The following WDPCP variants were observed in gnomAD, a reference collection of about 807,000 sequenced individuals.
The protein encoded by WDPCP is WD repeat-containing and planar cell polarity effector protein fritz homolog.
In WDPCP, 71 loss-of-function variants were observed where a neutral mutation model predicts 93.1. The ratio of observed to expected loss-of-function variants is 0.76; its 90% CI spans 0.63 to 0.93. WDPCP has a LOEUF of 0.93. Ranked by LOEUF, WDPCP falls within the 40% of genes least tolerant of loss-of-function variation. The pLI is 0.00. For synonymous variants in WDPCP, 315 were observed against 315.0 expected, an observed-to-expected ratio of 1.00 and a Z score of 0.00; for missense variants, 844 against 887.4, an observed-to-expected ratio of 0.95 and a Z score of 0.62.
intron 1 of WDPCP, among the ~76,000 whole-genome samples, chr2:63,535,251 A>T (rs372259551): frequency 6.6e-6 from 1 of 152,340 alleles, no homozygotes; most frequent in Non-Finnish European, 1.5e-5. Context: ...GCTCATGGAT[A>T]GGAAGAATCA....
intron 9 of WDPCP, among the ~76,000 whole-genome samples, chr2:63,429,972 G>A (rs891484829): frequency 2.8e-4 from 34 of 121,702 alleles, no homozygotes; most frequent in Non-Finnish European, 4.1e-4. Flanking sequence ...TAAAGAAAAT[G>A]TTATACACAC....
At chr2:63,534,586 A>G (rs954742578) in intron 1 of WDPCP, among the ~76,000 whole-genome samples, 6 of 152,220 alleles carry the variant, frequency 3.9e-5, no homozygotes, top group Non-Finnish European at 4.4e-5. Context: ...AATCCATCAT[A>G]TAAACAGAAA....
rs541690288 is a variant in WDPCP at position 63,544,920 on chromosome 2, C to T, written c.75+43277G>A. ...ACCTGATTATTACTAATCATTATTG[C>T]AGTTCTACATTTTAATCAGGCATAA... On this transcript the variant is annotated intron_variant, in intron 1 of 17. Coordinates refer to ENST00000272321, the MANE Select transcript of WDPCP (RefSeq NM_015910.7). Among the ~76,000 whole-genome samples the T allele has an allele frequency of 6.6e-5, 10 of 152,120 alleles. No homozygotes were observed. In the Middle Eastern group the frequency reaches 0.014, roughly 207 times the overall value.
intron 2 of WDPCP, among the ~76,000 whole-genome samples, chr2:63,767,284 T>G (rs778076701): frequency 3.3e-5 from 5 of 152,194 alleles, no homozygotes; most frequent in African/African-American, 7.2e-5. Context: ...TTTGAGCTAT[T>G]ACAAATAAAG....
At chr2:63,575,468 CAGT>C (rs1707974327) in intron 1 of WDPCP, among the ~76,000 whole-genome samples, 3 of 330 alleles carry the variant, frequency 9.1e-3, no homozygotes, top group African/African-American at 0.011. Context: ...AGTATATATG[CAGT>C]ATATACAGTG....
chr2:63,731,437 T>A (rs992829352), intron 2 of WDPCP, among the ~76,000 whole-genome samples: 4 of 152,150 alleles, frequency 2.6e-5, no homozygotes, highest in Non-Finnish European at 5.9e-5. Context: ...ATATATTCAC[T>A]ATGTTGTGCA....
chr2:63,462,832 C>A (rs917512494), intron 6 of WDPCP, among the ~76,000 whole-genome samples: 2 of 152,082 alleles, frequency 1.3e-5, no homozygotes, highest in Non-Finnish European at 2.9e-5. Context: ...AAGTCAGGGC[C>A]ATTCCTTGAG....
chr2:63,280,135 A>C (rs747498095), intron 13 of WDPCP, among the ~76,000 whole-genome samples: 2 of 152,208 alleles, frequency 1.3e-5, no homozygotes, highest in Non-Finnish European at 2.9e-5. Context: ...TTCATACGGA[A>C]CCAAAAAAGA....
At chr2:63,570,590 C>G (rs78424680) in intron 1 of WDPCP, among the ~76,000 whole-genome samples, 2,411 of 152,172 alleles carry the variant, frequency 0.016, 32 homozygotes, top group Non-Finnish European at 0.026. Flanking sequence ...AGGGATACAT[C>G]TAGGTAGATG....
chr2:63,171,078 G>A (rs1336237155), intron 15 of WDPCP, among the ~76,000 whole-genome samples: 2 of 151,368 alleles, frequency 1.3e-5, no homozygotes, highest in Non-Finnish European at 2.9e-5. Context: ...AACTCAAAAT[G>A]GACTTTAAGA....
At chr2:63,273,424 CA>C (rs1225435417) in intron 13 of WDPCP, among the ~76,000 whole-genome samples, 4 of 150,536 alleles carry the variant, frequency 2.7e-5, no homozygotes, top group East Asian at 1.9e-4. Flanking sequence ...AAAGAATATA[CA>C]AAACAAACTT....
At chr2:63,435,432 A>T (rs1372528319) in intron 8 of WDPCP, among the ~76,000 whole-genome samples, 1 of 152,180 alleles carries the variant, frequency 6.6e-6, no homozygotes, top group Non-Finnish European at 1.5e-5. Flanking sequence ...AGCTCTCAAT[A>T]TCATTAAGTC....
chr2:63,363,231 A>G (rs1227942216), intron 12 of WDPCP, among the ~76,000 whole-genome samples: 1 of 152,164 alleles, frequency 6.6e-6, no homozygotes, highest in Non-Finnish European at 1.5e-5. Flanking sequence ...ATCACCCTCC[A>G]TATCTTGCAG....
intron 2 of WDPCP, among the ~76,000 whole-genome samples, chr2:63,668,568 A>G (rs1233485976): frequency 6.6e-6 from 1 of 152,220 alleles, no homozygotes; most frequent in Non-Finnish European, 1.5e-5. Flanking sequence ...TTTTATTTAT[A>G]ACGTAAATAT....
At chr2:63,607,616 G>A (rs1164011934) in intron 3 of WDPCP, among the ~76,000 whole-genome samples, 7 of 151,376 alleles carry the variant, frequency 4.6e-5, no homozygotes, top group Non-Finnish European at 8.8e-5. Flanking sequence ...GGATCACTAC[G>A]TCAGGAGATC....
At chr2:63,789,535 A>C (rs923582638) in intron 2 of WDPCP, among the ~76,000 whole-genome samples, 1 of 152,208 alleles carries the variant, frequency 6.6e-6, no homozygotes, top group Non-Finnish European at 1.5e-5. Flanking sequence ...AGACTGGACC[A>C]GTTTCGGCAG....
intron 14 of WDPCP, among the ~76,000 whole-genome samples, chr2:63,193,739 T>C (rs1675213384): frequency 6.6e-6 from 1 of 152,228 alleles, no homozygotes; most frequent in South Asian, 2.1e-4. Context: ...TAAGTGATTT[T>C]TTTTAAAAAA....
intron 15 of WDPCP, among the ~76,000 whole-genome samples, chr2:63,161,370 C>T (rs1355984399): frequency 6.6e-6 from 1 of 152,164 alleles, no homozygotes; most frequent in Non-Finnish European, 1.5e-5. Flanking sequence ...AATTTCTTAA[C>T]CTTTTTGTCA....
chr2:63,829,248 T>C (rs1671159293), upstream of WDPCP, among the ~76,000 whole-genome samples: 1 of 152,172 alleles, frequency 6.6e-6, no homozygotes, highest in African/African-American at 2.4e-5. Context: ...ACTAGTGCAA[T>C]GCAACCTGAT....
Sources: gnomAD v4.1 joint callset for allele counts (sites outside exome capture counted in the v4.1 genomes callset) on GRCh38, gnomAD v4.1.1 for gene constraint, MANE v1.5 for transcripts, NCBI Gene and HGNC (gene_info 2026-07-23, HGNC 2026-07-21) for gene names.